TTLL9: variants seen among roughly 807,000 people sequenced by gnomAD.
TTLL9 encodes the protein tubulin tyrosine ligase like 9, also known as probable tubulin polyglutamylase TTLL9.
In TTLL9, 47 loss-of-function variants were observed where a neutral mutation model predicts 65.6. The observed-to-expected ratio is 0.72, with a 90% CI of 0.57 to 0.91. TTLL9 has a LOEUF of 0.91. TTLL9 is among the 40% of genes least tolerant of loss of function. TTLL9 has a pLI of 0.00. For synonymous variants in TTLL9, 179 were observed against 204.8 expected, an observed-to-expected ratio of 0.87 and a Z score of 1.07; for missense variants, 537 against 568.8, an observed-to-expected ratio of 0.94 and a Z score of 0.57.
chr20:31,926,046 C>T lies in TTLL9; in HGVS notation c.706-3C>T. 1.2e-6 allele frequency: 2 copies of T among 1,613,932 alleles called. No individual in the cohort carries two copies. Among genetic ancestry groups the T allele is most frequent in the Non-Finnish European group, 1.7e-6 (2 of 1,179,930 alleles). ...GTCCCAAGTGAACTCCTTTGTCCCA[C>T]AGGTGTTTGCTGAATGCCTGCTGTG... is the stretch of plus-strand genomic sequence containing the variant. On this transcript the variant is annotated splice_region_variant and splice_polypyrimidine_tract_variant and intron_variant, in intron 9 of 14. Transcript: ENST00000535842.
chr20:31,919,991 G>A (rs550523805), intron 7 of TTLL9, 59 bp downstream of exon 7: 1 of 1,408,364 alleles, frequency 7.1e-7, no homozygotes, highest in Non-Finnish European at 9.5e-7. Flanking sequence ...CCAGCAGGAG[G>A]GGCCACTCCT....
chr20:31,941,332 T>G (rs575738427), intron 14 of TTLL9: 1 of 152,242 alleles, frequency 6.6e-6, no homozygotes. Flanking sequence ...CAGCCTTCTT[T>G]GCCAACAGTG....
At chr20:31,907,002 G>C (rs537898435) in intron 4 of TTLL9, among the ~76,000 whole-genome samples, 1 of 152,280 alleles carries the variant, frequency 6.6e-6, no homozygotes, top group South Asian at 2.1e-4. Flanking sequence ...TCACCCAATG[G>C]AATGGGAAAT....
In TTLL9 at chr20:31,944,325, GACA is replaced by G. The variant is rs528916470; in HGVS notation, c.*1308_*1310del. ...AATTGTGAATCAGGCAGTCACACTGGACAACATCTAGCAAGGTGAATTCTGCAA... is the reference window on the plus strand; with the variant it reads ...AATTGTGAATCAGGCAGTCACACTGGACATCTAGCAAGGTGAATTCTGCAA... On this transcript the variant is annotated 3_prime_UTR_variant, in exon 15 of 15. Coordinates refer to ENST00000535842, the MANE Select transcript of TTLL9 (RefSeq NM_001008409.5). 1.3e-5 allele frequency: 2 copies of G among 158,136 alleles called. No homozygotes were observed. The highest frequency in any genetic ancestry group is 2.4e-5 in the African/African-American group (1 of 41,606). The allele number at this position is 158,136 out of a possible 1,614,324, so 9.8% of individuals were successfully genotyped here.
intron 10 of TTLL9, among the ~76,000 whole-genome samples, chr20:31,927,772 A>G (rs2063933356): frequency 6.6e-6 from 1 of 152,170 alleles, no homozygotes. Flanking sequence ...AATGGGGGTG[A>G]CGCTCCCCAG....
chr20:31,936,527 A>G (rs1277756618), intron 12 of TTLL9, among the ~76,000 whole-genome samples: 1 of 151,882 alleles, frequency 6.6e-6, no homozygotes, highest in Non-Finnish European at 1.5e-5. Flanking sequence ...TGATCTCGCA[A>G]TTCTGGACTC....
chr20:31,909,554 T>C (rs915582787), intron 5 of TTLL9, among the ~76,000 whole-genome samples, 183 bp from the exon 6 acceptor site: 2 of 152,152 alleles, frequency 1.3e-5, no homozygotes, highest in Non-Finnish European at 2.9e-5. Context: ...CCCAGTTTCC[T>C]CATCTGTGAA....
chr20:31,901,885 T>C (rs2063485034), intron 4 of TTLL9, among the ~76,000 whole-genome samples: 1 of 152,190 alleles, frequency 6.6e-6, no homozygotes, highest in Non-Finnish European at 1.5e-5. Flanking sequence ...CCTTGTTTAT[T>C]GTTAATCTTC....
At chr20:31,935,921 A>G (rs961008710) in intron 12 of TTLL9, among the ~76,000 whole-genome samples, 4 of 152,182 alleles carry the variant, frequency 2.6e-5, no homozygotes, top group African/African-American at 9.7e-5. Context: ...GCCCCTCCGT[A>G]TGGGCAAAAA....
At chr20:31,924,406 G>A (rs913095595) in intron 8 of TTLL9, among the ~76,000 whole-genome samples, 2 of 151,422 alleles carry the variant, frequency 1.3e-5, no homozygotes, top group Non-Finnish European at 2.9e-5. Context: ...GACTGTTCTC[G>A]CAGTTCCTTC....
chr20:31,892,696 C>T (rs1366823364), intron 3 of TTLL9, among the ~76,000 whole-genome samples: 1 of 152,048 alleles, frequency 6.6e-6, no homozygotes, highest in African/African-American at 2.4e-5. Context: ...ATTTGTGTAC[C>T]CTTGAAAAAG....
rs1472980808 is a variant in TTLL9, at chr20:31,906,659, C to CT, written c.207-1924dup. ...GAGACAAACCAAACACCTTTTTTTT[C>CT]TTTTTTTTGAGATGGGGTCTCACTC... On this transcript the variant is annotated intron_variant, in intron 4 of 14. Transcript: ENST00000535842. 7.3e-5 allele frequency among the ~76,000 whole-genome samples: 11 copies of CT among 151,264 alleles called. No individual in the cohort carries two copies. The South Asian group carries it at 1.0e-3, about 14-fold the overall frequency.
rs768415681 is a variant in TTLL9, at chr20:31,943,681, A to G, written c.*660A>G. 3 of 456,062 alleles carry G rather than the reference A, an allele frequency of 6.6e-6. No homozygotes were observed. Among genetic ancestry groups the G allele is most frequent in the African/African-American group, 2.0e-5 (1 of 50,028 alleles). The allele number at this position is 456,062 out of a possible 1,614,324, so 28.3% of individuals were successfully genotyped here. A position where few individuals can be genotyped will look rare whatever the true frequency, so the allele number is the denominator to read the frequency against. Reference sequence around the variant, plus strand: ...CATCCCCATTTCTCAGATGGACAAGACAGACCAGGGAGGCAGAGCTTAGTG... The same window carrying G: ...CATCCCCATTTCTCAGATGGACAAGGCAGACCAGGGAGGCAGAGCTTAGTG... On this transcript the variant is annotated 3_prime_UTR_variant, in exon 15 of 15. Transcript: ENST00000535842.
At chr20:31,936,717 C>T (rs781459113) in intron 12 of TTLL9, among the ~76,000 whole-genome samples, 6 of 152,180 alleles carry the variant, frequency 3.9e-5, no homozygotes, top group Non-Finnish European at 8.8e-5. Flanking sequence ...GTTTTTCTTG[C>T]ATTCACATCT....
At chr20:31,927,566 G>A (rs2063929876) in intron 10 of TTLL9, among the ~76,000 whole-genome samples, 1 of 151,764 alleles carries the variant, frequency 6.6e-6, no homozygotes, top group South Asian at 2.1e-4. Context: ...AGGTAGAAAG[G>A]AGATGTTTCC....
rs1162101774 is a variant in TTLL9 at position 31,894,098 on chromosome 20, CTTTTTTTTTT to C, written c.114-4361_114-4352del. Among the ~76,000 whole-genome samples the C allele has an allele frequency of 5.1e-3, 470 of 92,108 alleles. 4 individuals carry two copies. The highest frequency in any genetic ancestry group is 0.019 in the African/African-American group (459 of 23,978). 60.4% of individuals were successfully genotyped at this position (92,108 alleles called of 152,430 possible). ...TCCCTTCTAGAATTTCCATTTGGTT[CTTTTTTTTTT>C]TTTTTTTTTTTTTGAGACAGGGTCT... On this transcript the variant is annotated intron_variant, in intron 3 of 14. Coordinates refer to ENST00000535842, the MANE Select transcript of TTLL9 (RefSeq NM_001008409.5).
At chr20:31,915,887 A>G (rs1249557814) in intron 6 of TTLL9, among the ~76,000 whole-genome samples, 2 of 152,134 alleles carry the variant, frequency 1.3e-5, no homozygotes, top group Non-Finnish European at 2.9e-5. Flanking sequence ...TATTCCGGTT[A>G]TCTATTTCAG....
intron 3 of TTLL9, 39 bp downstream of exon 3, chr20:31,887,278 C>T (rs780360189): frequency 6.2e-7 from 1 of 1,607,808 alleles, no homozygotes; most frequent in Non-Finnish European, 8.5e-7. Context: ...ACAGCGCAAC[C>T]AACTTCTCTC....
At chr20:31,874,074 C>A (rs2063004926) in intron 2 of TTLL9, among the ~76,000 whole-genome samples, 2 of 152,188 alleles carry the variant, frequency 1.3e-5, no homozygotes, top group African/African-American at 4.8e-5. Flanking sequence ...GGAAAGAATT[C>A]TTTCAAGTTA....
Sources: allele counts gnomAD v4.1 joint callset (sites outside exome capture counted in the v4.1 genomes callset), GRCh38; gene constraint gnomAD v4.1.1; transcripts MANE v1.5; gene names NCBI Gene and HGNC (gene_info 2026-07-23, HGNC 2026-07-21).